Variants in NUMA1 observed in about 807,000 individuals in gnomAD.
NUMA1 encodes the protein SP-H antigen.
Under a neutral mutation model 237.1 loss-of-function variants are expected in NUMA1, and 62 were observed. The observed-to-expected ratio is 0.26, with a 90% CI of 0.21 to 0.32. NUMA1 has a LOEUF of 0.32. NUMA1 is among the 10% of genes least tolerant of loss of function. The pLI is 1.00. For synonymous variants in NUMA1, 1,028 were observed against 1,066.1 expected (o/e 0.96, Z 0.70); for missense variants, 2,533 against 2,666.5 (o/e 0.95, Z 1.10).
intron 2 of NUMA1, chr11:72,049,610 A>G (rs1334783873): frequency 2.7e-5 from 2 of 74,298 alleles, no homozygotes; most frequent in Non-Finnish European, 5.7e-5. Flanking sequence ...ATATATATAT[A>G]TATTTGCCTA....
chr11:72,043,200 G>A (rs927741054), intron 2 of NUMA1, among the ~76,000 whole-genome samples: 1 of 150,014 alleles, frequency 6.7e-6, no homozygotes, highest in Admixed American at 6.7e-5. Flanking sequence ...AGAAAACAGA[G>A]TATAATAAAT....
intron 2 of NUMA1, among the ~76,000 whole-genome samples, chr11:72,057,259 C>T (rs1942705881): frequency 6.6e-6 from 1 of 152,132 alleles, no homozygotes; most frequent in East Asian, 1.9e-4. Flanking sequence ...AATTAAAGCT[C>T]ACACATCAGA....
chr11:72,020,586 C>T (rs1938634118), intron 8 of NUMA1: 1 of 152,152 alleles, frequency 6.6e-6, no homozygotes, highest in Non-Finnish European at 1.5e-5. Flanking sequence ...TTTTAAAAGA[C>T]TGTGGGCCGG....
chr11:72,044,424 T>C (rs1941870920), intron 2 of NUMA1, among the ~76,000 whole-genome samples: 1 of 151,998 alleles, frequency 6.6e-6, no homozygotes, highest in Non-Finnish European at 1.5e-5. Context: ...TCACCAATTG[T>C]TTGGGAAGCC....
Position 72,013,813 on chromosome 11 carries a change from C to T in NUMA1, c.3690G>A (p.Leu1230=). The T allele has an allele frequency of 6.2e-7, 1 of 1,611,318 alleles. No individual in the cohort carries two copies. Among genetic ancestry groups the T allele is most frequent in the Non-Finnish European group, 8.5e-7 (1 of 1,180,016 alleles). Reference sequence around the variant, plus strand: ...GATTCAGGATGGACACCTCCTCCTCCAAGCTGCTGATGAGGCTATTTTTCC... The same window carrying T: ...GATTCAGGATGGACACCTCCTCCTCTAAGCTGCTGATGAGGCTATTTTTCC... ...AERKNSLISS[L]EEEVSILNRQ... Residue 1230 remains leucine (L), a synonymous_variant, in exon 15 of 27, where the codon TTG becomes TTA. Coordinates refer to ENST00000393695, the MANE Select transcript of NUMA1 (RefSeq NM_006185.4). The surrounding 1 kb of genome is among the most constrained non-coding windows in gnomAD (Gnocchi z 6.8).
In NUMA1 at chr11:72,015,084, C is replaced by T. The variant is rs762909580; in HGVS notation, c.2419G>A (p.Val807Ile). The T allele has an allele frequency of 5.0e-6, 8 of 1,613,868 alleles. No individual in the cohort carries two copies. The highest frequency in any genetic ancestry group is 2.2e-5 in the East Asian group (1 of 44,894). The stretch of plus-strand genomic sequence containing the variant: ...TCACGCCAGGCAGCTACTTCTTTGA[C>T]GAGCTGCTCACACTCACTCTCAGCT... ...HTAESECEQLVKEVAAWRERY... is the reference protein window; with the variant it reads ...HTAESECEQLIKEVAAWRERY... Residue 807 changes from valine to isoleucine, a missense_variant, in exon 15 of 27, where the codon GTC becomes ATC. By Grantham distance (29) the Val-to-Ile change is conservative. Around this residue, in one of 3 missense-constraint regions of NUMA1, gnomAD observed 1,414 missense variants for 1,508.1 expected, o/e 0.94. Transcript: ENST00000393695. The surrounding 1 kb of genome is among the most constrained non-coding windows in gnomAD (Gnocchi z 4.0).
At chr11:72,016,587 C>T (rs568533687) in intron 13 of NUMA1, 57 bp from the exon 14 acceptor site, 2 of 1,580,230 alleles carry the variant, frequency 1.3e-6, no homozygotes, top group South Asian at 1.2e-5. Flanking sequence ...CAGATTACCA[C>T]ACAAGCCCTC....
At chr11:72,079,539 C>CAA (rs1167480323) in intron 1 of NUMA1, among the ~76,000 whole-genome samples, 6 of 107,902 alleles carry the variant, frequency 5.6e-5, no homozygotes, top group African/African-American at 1.7e-4. Flanking sequence ...GACTCCGTCT[C>CAA]AAAAAAAAAA....
At chr11:72,061,309 A>G (rs78036154) in intron 2 of NUMA1, among the ~76,000 whole-genome samples, 2,490 of 152,250 alleles carry the variant, frequency 0.016, 72 homozygotes, top group African/African-American at 0.057. Context: ...GAGCATGGCT[A>G]TGTTACAGTG....
rs114856198 is a variant in NUMA1 at position 72,016,276 on chromosome 11, G to A, written c.1243-16C>T. ...AGGTTTCCAGCTGGTGGTATAAAGA[G>A]ACAAACTGGGATCAGCATGACTCCT... On this transcript the variant is annotated splice_polypyrimidine_tract_variant and intron_variant, in intron 14 of 26. Coordinates refer to ENST00000393695, the MANE Select transcript of NUMA1 (RefSeq NM_006185.4). The A allele has an allele frequency of 4.3e-3, 6,837 of 1,586,818 alleles. 247 individuals carry two copies. In the African/African-American group the frequency reaches 0.083, roughly 19 times the overall value.
intron 16 of NUMA1, 52 bp downstream of exon 16, chr11:72,012,349 A>C: frequency 6.3e-7 from 1 of 1,585,812 alleles, no homozygotes; most frequent in Non-Finnish European, 8.6e-7. Flanking sequence ...TCATGCACCA[A>C]GACTGGTCAC....
Position 72,013,614 on chromosome 11 carries a change from G to A in NUMA1, c.3889C>T (p.Leu1297Phe), listed in dbSNP as rs1036521367. Residue 1297 changes from leucine (L) to phenylalanine (F), a missense_variant, in exon 15 of 27, where the codon CTC becomes TTC. Coordinates refer to ENST00000393695, the MANE Select transcript of NUMA1 (RefSeq NM_006185.4). The surrounding 1 kb of genome is among the most constrained non-coding windows in gnomAD (Gnocchi z 6.8). The stretch of plus-strand genomic sequence containing the variant: ...CGCTGTTTCTCAGCCTCCTCCCGGA[G>A]GCTCTGCACCTCCTCCCGCAGAGCA... The part of the protein sequence containing the change: ...SSALREEVQS[L>F]REEAEKQRVA... The A allele has an allele frequency of 2.2e-5, 36 of 1,611,150 alleles. No individual in the cohort carries two copies. The highest frequency in any genetic ancestry group is 2.9e-5 in the Non-Finnish European group (34 of 1,179,960).
chr11:72,015,594 A>C lies in NUMA1; in HGVS notation c.1909T>G (p.Ser637Ala), dbSNP rs1156507648. Residue 637 changes from serine to alanine, a missense_variant, in exon 15 of 27, where the codon TCA becomes GCA. Physicochemically the swap from Ser to Ala is moderately conservative, Grantham distance 99. This residue lies in a region of NUMA1 where 1,414 missense variants were observed against 1,508.1 expected (regional missense o/e 0.94). Coordinates refer to ENST00000393695, the MANE Select transcript of NUMA1 (RefSeq NM_006185.4). This position sits in a 1 kb window ranked among gnomAD's most constrained non-coding sequence, Gnocchi z 4.0. ...TTCTCCCGCTGGGCCTGTGTCACTG[A>C]GGTCTGGGCACTGTCCCGGGCTTCA... Reference protein sequence around the residue: ...ANEARDSAQTSVTQAQREKAE... With the variant: ...ANEARDSAQTAVTQAQREKAE... 2.5e-6 allele frequency: 4 copies of C among 1,613,406 alleles called. No individual in the cohort carries two copies. The Admixed American group carries it at 5.0e-5, about 20-fold the overall frequency.
intron 5 of NUMA1, 119 bp downstream of exon 5, chr11:72,024,155 A>G (rs541680409): frequency 2.0e-4 from 153 of 781,312 alleles, no homozygotes; most frequent in Non-Finnish European, 2.7e-4. Flanking sequence ...TTTGTGTTAA[A>G]GAGTGGGGAG....
intron 4 of NUMA1, among the ~76,000 whole-genome samples, chr11:72,025,935 T>G (rs1939521273): frequency 6.6e-6 from 1 of 152,222 alleles, no homozygotes; most frequent in Non-Finnish European, 1.5e-5. Flanking sequence ...CTTGGCTCAG[T>G]GTAGAGCAAT....
chr11:72,006,547 T>TG (rs372441155), intron 21 of NUMA1, among the ~76,000 whole-genome samples: 61 of 152,288 alleles, frequency 4.0e-4, no homozygotes, highest in Admixed American at 7.8e-4. Context: ...ATTTTGGAGA[T>TG]GAAGTGCAAA....
At chr11:72,019,450 T>C in intron 9 of NUMA1, 44 bp downstream of exon 9, 1 of 1,604,020 alleles carries the variant, frequency 6.2e-7, no homozygotes, top group Non-Finnish European at 8.5e-7. Flanking sequence ...GAGGAATGGA[T>C]GGATGCTGAG....
At chr11:72,005,408 G>A (rs751029537) in intron 22 of NUMA1, 39 bp from the exon 23 acceptor site, 2 of 1,591,012 alleles carry the variant, frequency 1.3e-6, no homozygotes, top group East Asian at 2.3e-5. Context: ...TGAGCCTGGA[G>A]TCGGCAGGTC....
intron 2 of NUMA1, among the ~76,000 whole-genome samples, chr11:72,044,521 T>C (rs1424861066): frequency 6.6e-6 from 1 of 151,864 alleles, no homozygotes; most frequent in East Asian, 1.9e-4. Flanking sequence ...GATTTTACTT[T>C]AGGGTCCAGC....
Sources: gnomAD v4.1 joint callset for allele counts (sites outside exome capture counted in the v4.1 genomes callset) on GRCh38, gnomAD v4.1.1 for gene constraint, gnomAD v4.1.1 regional missense constraint, Gnocchi (gnomAD v3.1) non-coding constraint, MANE v1.5 for transcripts, NCBI Gene and HGNC (gene_info 2026-07-23, HGNC 2026-07-21) for gene names.